Variants in RPH3A observed in about 807,000 individuals in gnomAD.
The protein encoded by RPH3A is rabphilin-3A.
In RPH3A, 48 loss-of-function variants were observed where a neutral mutation model predicts 102.2. The ratio of observed to expected loss-of-function variants is 0.47; its 90% CI spans 0.37 to 0.60. RPH3A has a LOEUF of 0.60. RPH3A is among the 20% of genes least tolerant of loss of function. The pLI is 0.00. For synonymous variants in RPH3A, 310 were observed against 324.3 expected, an observed-to-expected ratio of 0.96 and a Z score of 0.47; for missense variants, 781 against 910.1, an observed-to-expected ratio of 0.86 and a Z score of 1.83.
intron 1 of RPH3A, among the ~76,000 whole-genome samples, chr12:112,658,310 G>A (rs768826185): frequency 6.6e-6 from 1 of 152,026 alleles, no homozygotes; most frequent in Non-Finnish European, 1.5e-5. Flanking sequence ...CCAAGTAGTT[G>A]GGGCTACAGG....
intron 1 of RPH3A, among the ~76,000 whole-genome samples, chr12:112,677,235 C>T (rs2040181489): frequency 6.6e-6 from 1 of 152,142 alleles, no homozygotes. Flanking sequence ...CAGCTCTCAT[C>T]AAGGGTAATG....
intron 1 of RPH3A, among the ~76,000 whole-genome samples, chr12:112,719,340 T>G (rs1298617593): frequency 1.3e-5 from 2 of 152,136 alleles, no homozygotes; most frequent in Non-Finnish European, 2.9e-5. Flanking sequence ...CCACCAGAGA[T>G]TAATCCTGCA....
chr12:112,790,560 G>C (rs1433194595), upstream of RPH3A, among the ~76,000 whole-genome samples: 1 of 152,196 alleles, frequency 6.6e-6, no homozygotes, highest in Non-Finnish European at 1.5e-5. Flanking sequence ...TGGTCTGTTT[G>C]AGATTTCCTG....
chr12:112,579,247 C>T (rs1365272835), intron 1 of RPH3A, among the ~76,000 whole-genome samples: 12 of 152,152 alleles, frequency 7.9e-5, no homozygotes, highest in Non-Finnish European at 4.4e-5. Flanking sequence ...GTGGTCTCCC[C>T]CTCATGTACT....
rs554859946 is a variant in RPH3A at position 112,881,850 on chromosome 12, C to G, written c.1326+4C>G. ...CCTCCTGCCGGGAGCCAGCAAGGTACCATATGGCCTGGGCTTCTCTGCAAA... is the reference window on the plus strand; with the variant it reads ...CCTCCTGCCGGGAGCCAGCAAGGTAGCATATGGCCTGGGCTTCTCTGCAAA... On this transcript the variant is annotated splice_donor_region_variant and intron_variant, in intron 15 of 21. Transcript: ENST00000389385. 5.0e-6 allele frequency: 8 copies of G among 1,610,490 alleles called. No individual in the cohort carries two copies. The Admixed American group carries it at 6.7e-5, about 13-fold the overall frequency.
In RPH3A at chr12:112,875,183, C is replaced by T. The variant is rs751928824; in HGVS notation, c.883+13C>T. 2.5e-6 allele frequency: 4 copies of T among 1,572,482 alleles called. No individual in the cohort carries two copies. Among genetic ancestry groups the T allele is most frequent in the Non-Finnish European group, 3.5e-6 (4 of 1,156,138 alleles). ...CCTGGGCAGCCAGGTACCTGCCACT[C>T]ACCTGCTAGCACCTGCCCAGGCTGT... On this transcript the variant is annotated intron_variant, in intron 11 of 21. Coordinates refer to ENST00000389385, the MANE Select transcript of RPH3A (RefSeq NM_001143854.2).
At chr12:112,890,112 C>G in intron 18 of RPH3A, 32 bp downstream of exon 18, 1 of 1,600,732 alleles carries the variant, frequency 6.2e-7, no homozygotes, top group Admixed American at 1.7e-5. Context: ...AAGCCACAGT[C>G]AGGGTCTGTA....
intron 1 of RPH3A, among the ~76,000 whole-genome samples, chr12:112,655,712 A>G (rs1867379875): frequency 6.6e-6 from 1 of 151,682 alleles, no homozygotes; most frequent in Non-Finnish European, 1.5e-5. Flanking sequence ...CTGGGATTAC[A>G]GGTGCATACC....
chr12:112,786,086 T>G (rs1181213691), intron 1 of RPH3A, among the ~76,000 whole-genome samples: 1 of 152,184 alleles, frequency 6.6e-6, no homozygotes, highest in Non-Finnish European at 1.5e-5. Flanking sequence ...GCCAGTGACA[T>G]GCCAAGGTCC....
intron 1 of RPH3A, among the ~76,000 whole-genome samples, chr12:112,750,273 G>A (rs1451967890): frequency 6.6e-6 from 1 of 152,202 alleles, no homozygotes; most frequent in African/African-American, 2.4e-5. Context: ...CCAAGTCAGA[G>A]ATCCAAGTGT....
chr12:112,679,163 T>G (rs1264551299), intron 1 of RPH3A, among the ~76,000 whole-genome samples: 1 of 152,150 alleles, frequency 6.6e-6, no homozygotes, highest in Admixed American at 6.5e-5. Context: ...ACCACACTTT[T>G]TTTTTTTTGA....
chr12:112,773,849 G>C (rs2136074013), intron 1 of RPH3A, among the ~76,000 whole-genome samples: 1 of 152,160 alleles, frequency 6.6e-6, no homozygotes, highest in African/African-American at 2.4e-5. Flanking sequence ...GGGAGGCCGA[G>C]GCAGGCGGAT....
At chr12:112,758,237 C>T (rs1465114874) in intron 1 of RPH3A, among the ~76,000 whole-genome samples, 1 of 152,234 alleles carries the variant, frequency 6.6e-6, no homozygotes, top group Non-Finnish European at 1.5e-5. Flanking sequence ...TCTCTGAAGA[C>T]ATCTGCAATA....
chr12:112,696,048 C>T (rs2040349403), intron 1 of RPH3A, among the ~76,000 whole-genome samples: 1 of 152,208 alleles, frequency 6.6e-6, no homozygotes, highest in Admixed American at 6.5e-5. Flanking sequence ...TTTGCATCCT[C>T]ATAGCTTAGC....
intron 1 of RPH3A, among the ~76,000 whole-genome samples, chr12:112,655,561 G>GTTTTT (rs1181500429): frequency 2.1e-5 from 2 of 94,860 alleles, no homozygotes; most frequent in Non-Finnish European, 4.1e-5. Flanking sequence ...ATTTTTGTTG[G>GTTTTT]TCTTTTTTTT....
chr12:112,581,687 T>G (rs925755215), intron 1 of RPH3A, among the ~76,000 whole-genome samples: 1 of 150,308 alleles, frequency 6.7e-6, no homozygotes, highest in Admixed American at 6.6e-5. Context: ...GGTGTCAGCC[T>G]GGCCACGAAC....
At chr12:112,595,419 T>C (rs767082384) in intron 1 of RPH3A, among the ~76,000 whole-genome samples, 14 of 152,194 alleles carry the variant, frequency 9.2e-5, no homozygotes, top group Non-Finnish European at 1.6e-4. Flanking sequence ...CCAGAGGGTA[T>C]GTAATCATGC....
intron 1 of RPH3A, among the ~76,000 whole-genome samples, chr12:112,655,563 CTTTTTTTTTTTTTT>C (rs71086113): frequency 1.1e-4 from 6 of 55,570 alleles, no homozygotes; most frequent in Non-Finnish European, 1.6e-4. Flanking sequence ...TTTTGTTGGT[CTTTTTTTTTTTTTT>C]TTTTTTTTTT....
intron 1 of RPH3A, among the ~76,000 whole-genome samples, chr12:112,773,106 TTA>T (rs1042227178): frequency 6.6e-6 from 1 of 150,846 alleles, no homozygotes; most frequent in African/African-American, 2.5e-5. Context: ...CATATATATA[TTA>T]TATATATATG....
Sources: allele counts gnomAD v4.1 joint callset (sites outside exome capture counted in the v4.1 genomes callset), GRCh38; gene constraint gnomAD v4.1.1; transcripts MANE v1.5; gene names NCBI Gene and HGNC (gene_info 2026-07-23, HGNC 2026-07-21).